The following IAH1 variants were observed in gnomAD, a reference collection of about 807,000 sequenced individuals.
IAH1 encodes isoamyl acetate hydrolyzing esterase 1 (putative), also known as isoamyl acetate-hydrolyzing esterase 1 homolog.
A neutral mutation model predicts 26.7 loss-of-function variants in IAH1; 24 were observed. That is an observed-to-expected ratio of 0.90 (90% CI 0.65 to 1.26). The LOEUF is 1.26. Ranked by LOEUF, IAH1 falls within the 50% of genes most tolerant of loss-of-function variation. The pLI, the probability that IAH1 is intolerant of heterozygous loss-of-function variation, is 0.00. For missense variants in IAH1, 300 were observed against 299.9 expected (o/e 1.00, Z 0.00); for synonymous variants, 140 against 118.5 (o/e 1.18, Z -1.18).
chr2:9,508,492 A>G, the IAH1 span, among the ~76,000 whole-genome samples: 41 of 152,384 alleles, frequency 2.7e-4, no homozygotes, highest in African/African-American at 9.1e-4. Flanking sequence ...GATTTCTAAT[A>G]ACTTTACCAA....
chr2:9,479,648 C>G (rs4511696), intron 3 of IAH1, among the ~76,000 whole-genome samples: 64,985 of 151,942 alleles, frequency 0.43, 14,922 homozygotes, highest in Middle Eastern at 0.62. Context: ...GATTGGAACT[C>G]TTACATTCCT....
chr2:9,480,323 T>A (rs1572839437), intron 3 of IAH1, among the ~76,000 whole-genome samples: 1 of 151,880 alleles, frequency 6.6e-6, no homozygotes, highest in South Asian at 2.1e-4. Flanking sequence ...GGCAACAGAG[T>A]GAGACTCTGT....
chr2:9,474,029 G>C (rs370102814), upstream of IAH1: 1 of 152,238 alleles, frequency 6.6e-6, no homozygotes, highest in East Asian at 1.9e-4. The surrounding 1 kb of genome is among the most constrained non-coding windows in gnomAD (Gnocchi z 4.3). Flanking sequence ...GGCCGGCTGC[G>C]CGCGCACTGA....
At chr2:9,474,497 AC>A, upstream of IAH1, 1 of 953,874 alleles carries the variant, frequency 1.0e-6, no homozygotes, top group Non-Finnish European at 1.4e-6. The surrounding 1 kb of genome is among the most constrained non-coding windows in gnomAD (Gnocchi z 4.3). Context: ...GGCTCCCGCA[AC>A]CCACGGGCGG....
chr2:9,479,156 A>G (rs1364932469), intron 3 of IAH1, among the ~76,000 whole-genome samples: 2 of 152,208 alleles, frequency 1.3e-5, no homozygotes, highest in Non-Finnish European at 2.9e-5. Context: ...GAGACTGCAC[A>G]CTAACCATTA....
At chr2:9,484,202 G>C (rs1192686186) in intron 4 of IAH1, among the ~76,000 whole-genome samples, 1 of 152,146 alleles carries the variant, frequency 6.6e-6, no homozygotes, top group East Asian at 1.9e-4. Flanking sequence ...AGAAGATTCC[G>C]GTTACCACTG....
chr2:9,509,787 G>C, the IAH1 span, among the ~76,000 whole-genome samples: 1 of 152,130 alleles, frequency 6.6e-6, no homozygotes, highest in Non-Finnish European at 1.5e-5. Context: ...AAGTCCAAAT[G>C]ATAGTTTTAA....
chr2:9,506,004 A>C, the IAH1 span, among the ~76,000 whole-genome samples: 1 of 152,200 alleles, frequency 6.6e-6, no homozygotes, highest in Admixed American at 6.5e-5. Flanking sequence ...CCCACCCTGG[A>C]GTACAGAACC....
At chr2:9,489,725 C>CAAAAAAAAAAAAAAAAAAAAA (rs548548539) in exon 6 of IAH1, 1 of 78,330 alleles carries the variant, frequency 1.3e-5, no homozygotes, top group African/African-American at 4.8e-5. Context: ...TAGTTGAAGG[C>CAAAAAAAAAAAAAAAAAAAAA]AAAAAAAAAA....
chr2:9,500,999 C>A (rs1224999011), downstream of IAH1, among the ~76,000 whole-genome samples: 1 of 152,116 alleles, frequency 6.6e-6, no homozygotes, highest in Non-Finnish European at 1.5e-5. Flanking sequence ...TACACACACA[C>A]AACAAAATGA....
At chr2:9,493,205 T>C (rs1215135671), downstream of IAH1, among the ~76,000 whole-genome samples, 1 of 152,200 alleles carries the variant, frequency 6.6e-6, no homozygotes, top group Non-Finnish European at 1.5e-5. Flanking sequence ...CAGGAAGAGA[T>C]TGCAGAATAT....
At chr2:9,499,494 C>T (rs1193043459), downstream of IAH1, among the ~76,000 whole-genome samples, 6 of 151,976 alleles carry the variant, frequency 3.9e-5, no homozygotes, top group African/African-American at 9.7e-5. Context: ...CTCCGCCTCC[C>T]GGGTTCACGC....
Position 9,474,922 on chromosome 2 carries a change from C to T in IAH1, c.81+275C>T, listed in dbSNP as rs1161079635. On this transcript the variant is annotated intron_variant, in intron 1 of 5. Transcript: ENST00000497473. This position sits in a 1 kb window ranked among gnomAD's most constrained non-coding sequence, Gnocchi z 4.3. ...CCGCGCTGCCCGCCCCGCGCCGCCT[C>T]CCACCCGGGTCGAGATGCGCGGTCT... The T allele has an allele frequency of 1.3e-6, 1 of 786,198 alleles. No homozygotes were observed. Among genetic ancestry groups the T allele is most frequent in the Non-Finnish European group, 1.6e-6 (1 of 612,656 alleles). The allele number at this position is 786,198 out of a possible 1,614,324, so 48.7% of individuals were successfully genotyped here.
intron 4 of IAH1, among the ~76,000 whole-genome samples, chr2:9,482,122 C>G (rs1231023939): frequency 6.6e-6 from 1 of 150,738 alleles, no homozygotes; most frequent in Non-Finnish European, 1.5e-5. Context: ...ACCTTTGCCT[C>G]CTGGGCTCAA....
At chr2:9,499,877 A>T (rs1231464897), downstream of IAH1, among the ~76,000 whole-genome samples, 3 of 152,196 alleles carry the variant, frequency 2.0e-5, no homozygotes, top group Non-Finnish European at 4.4e-5. Flanking sequence ...CCTTATCACA[A>T]AACCTAGGAT....
the IAH1 span, among the ~76,000 whole-genome samples, chr2:9,509,659 C>A: frequency 6.6e-6 from 1 of 152,070 alleles, no homozygotes; most frequent in Non-Finnish European, 1.5e-5. Flanking sequence ...AATGAAATGA[C>A]AAATTTTTAA....
At chr2:9,475,266 C>T in intron 1 of IAH1, 1 of 1,176,784 alleles carries the variant, frequency 8.5e-7, no homozygotes, top group Non-Finnish European at 1.1e-6. Flanking sequence ...TGTGTGTCCT[C>T]TTCTCAGACA....
At chr2:9,503,141 AAAAAAAAAAAAGACAAGG>A in the IAH1 span, among the ~76,000 whole-genome samples, 1 of 151,226 alleles carries the variant, frequency 6.6e-6, no homozygotes, top group African/African-American at 2.4e-5. Context: ...CTCTCTCAAA[AAAAAAAAAAAAGACAAGG>A]AAAAAAAAAA....
intron 5 of IAH1, chr2:9,485,880 GAA>G (rs1180723783): frequency 1.3e-5 from 2 of 152,264 alleles, no homozygotes; most frequent in Non-Finnish European, 1.5e-5. Flanking sequence ...GATCCAGAGA[GAA>G]AGCTTGGACG....
Sources: allele counts gnomAD v4.1 joint callset (sites outside exome capture counted in the v4.1 genomes callset), GRCh38; gene constraint gnomAD v4.1.1; non-coding constraint Gnocchi (gnomAD v3.1); transcripts MANE v1.5; gene names NCBI Gene and HGNC (gene_info 2026-07-23, HGNC 2026-07-21).